Variants in ADORA1 observed in about 807,000 individuals in gnomAD.
ADORA1 encodes the protein adenosine receptor A1.
A neutral mutation model predicts 19.9 loss-of-function variants in ADORA1; 6 were observed. The observed-to-expected ratio is 0.30, with a 90% confidence interval of 0.17 to 0.59. The LOEUF (loss-of-function observed/expected upper bound fraction) is 0.59, where lower values mean the gene tolerates loss of function less well. Among genes scored for constraint, ADORA1 ranks in the 20% least tolerant of loss-of-function variants. ADORA1 has a pLI of 0.87. For missense variants in ADORA1, 302 were observed against 439.2 expected, an observed-to-expected ratio of 0.69 and a Z score of 2.79; for synonymous variants, 194 against 188.4, an observed-to-expected ratio of 1.03 and a Z score of -0.24.
At chr1:203,157,255 C>T (rs1247490302) in intron 3 of ADORA1, among the ~76,000 whole-genome samples, 5 of 152,204 alleles carry the variant, frequency 3.3e-5, no homozygotes, top group Admixed American at 3.3e-4. Flanking sequence ...TACATGCTTC[C>T]AAAATACAAT....
At chr1:203,135,857 A>G (rs1271301016) in intron 3 of ADORA1, among the ~76,000 whole-genome samples, 2 of 151,820 alleles carry the variant, frequency 1.3e-5, no homozygotes. Flanking sequence ...CTCCCTCCCC[A>G]ATTTTACCCA....
chr1:203,165,254 C>G lies in ADORA1; in HGVS notation c.342-7C>G, dbSNP rs542059266. 1 of 1,591,526 alleles carries G rather than the reference C, an allele frequency of 6.3e-7. No individual in the cohort carries two copies. The highest frequency in any genetic ancestry group is 2.2e-5 in the East Asian group (1 of 44,660). The stretch of plus-strand genomic sequence containing the variant: ...AGATCCTCACACTCTGCCCTCCTCT[C>G]CCCCAGGTACAAGATGGTGGTGACC... On this transcript the variant is annotated splice_polypyrimidine_tract_variant and splice_region_variant and intron_variant, in intron 3 of 3. Coordinates refer to ENST00000337894, the MANE Select transcript of ADORA1 (RefSeq NM_000674.3). The surrounding 1 kb of genome is among the most constrained non-coding windows in gnomAD (Gnocchi z 5.9).
At chr1:203,148,077 G>C (rs1471885745) in intron 3 of ADORA1, among the ~76,000 whole-genome samples, 2 of 152,166 alleles carry the variant, frequency 1.3e-5, no homozygotes, top group African/African-American at 4.8e-5. Flanking sequence ...AAATTAGCCA[G>C]GCGTGGTGGC....
At chr1:203,144,342 G>C (rs777172153) in intron 3 of ADORA1, among the ~76,000 whole-genome samples, 3 of 152,150 alleles carry the variant, frequency 2.0e-5, no homozygotes, top group South Asian at 4.1e-4. Flanking sequence ...AGTTTCTGCT[G>C]TTTCAGTGTT....
At chr1:203,138,557 G>A (rs1039366439) in intron 3 of ADORA1, among the ~76,000 whole-genome samples, 24 of 152,278 alleles carry the variant, frequency 1.6e-4, no homozygotes, top group African/African-American at 5.3e-4. Flanking sequence ...TACCAAGGAG[G>A]GTGGACAAAT....
chr1:203,145,469 T>G (rs1213224927), intron 3 of ADORA1, among the ~76,000 whole-genome samples: 1 of 152,234 alleles, frequency 6.6e-6, no homozygotes, highest in African/African-American at 2.4e-5. Context: ...TCCGGCCGCC[T>G]GTAAGGATCC....
At chr1:203,161,446 C>G (rs1190296773) in intron 3 of ADORA1, among the ~76,000 whole-genome samples, 2 of 152,092 alleles carry the variant, frequency 1.3e-5, no homozygotes, top group Non-Finnish European at 2.9e-5. Context: ...TCTCAATAAA[C>G]TAAATAAATA....
intron 3 of ADORA1, among the ~76,000 whole-genome samples, chr1:203,152,941 G>A (rs146157327): frequency 6.6e-6 from 1 of 152,160 alleles, no homozygotes; most frequent in South Asian, 2.1e-4. Flanking sequence ...TGGGAGAAAG[G>A]GATGAGGTTC....
chr1:203,155,925 C>G (rs1343240894), intron 3 of ADORA1, among the ~76,000 whole-genome samples: 1 of 152,252 alleles, frequency 6.6e-6, no homozygotes, highest in Non-Finnish European at 1.5e-5. Context: ...TCATGCCTTT[C>G]TAATCTGACT....
intron 3 of ADORA1, among the ~76,000 whole-genome samples, chr1:203,158,996 A>G (rs11809836): frequency 0.45 from 68,943 of 152,114 alleles, 16,355 homozygotes; most frequent in African/African-American, 0.6. Flanking sequence ...TTAAAGTCCC[A>G]CCTTTCAACA....
intron 3 of ADORA1, among the ~76,000 whole-genome samples, chr1:203,163,039 C>G (rs1304697311): frequency 6.6e-6 from 1 of 152,196 alleles, no homozygotes; most frequent in African/African-American, 2.4e-5. Context: ...TAGACTCATG[C>G]CCAGAACTTT....
intron 3 of ADORA1, among the ~76,000 whole-genome samples, chr1:203,155,994 C>T (rs1469470252): frequency 2.0e-5 from 3 of 152,230 alleles, no homozygotes; most frequent in South Asian, 2.1e-4. Flanking sequence ...GATGTACTCA[C>T]GTTGCAGGTC....
At chr1:203,146,182 A>C (rs1654853162) in intron 3 of ADORA1, among the ~76,000 whole-genome samples, 1 of 152,086 alleles carries the variant, frequency 6.6e-6, no homozygotes, top group African/African-American at 2.4e-5. Flanking sequence ...AGGGGCCTAC[A>C]TGTTGGGCAT....
In ADORA1 at chr1:203,129,023, T is replaced by A; in HGVS notation, c.182T>A (p.Leu61Gln). 6.2e-7 allele frequency: 1 copy of A among 1,614,172 alleles called. No homozygotes were observed. The highest frequency in any genetic ancestry group is 8.5e-7 in the Non-Finnish European group (1 of 1,180,030). ...GTGGCTGATGTGGCCGTGGGTGCCCTGGTCATCCCCCTCGCCATCCTCATC... is the reference window on the plus strand; with the variant it reads ...GTGGCTGATGTGGCCGTGGGTGCCCAGGTCATCCCCCTCGCCATCCTCATC... ...LAVADVAVGA[L>Q]VIPLAILINI... The change falls in exon 3 of 4, where the codon CTG (leucine) becomes CAG (glutamine). Residue 61 changes from leucine (L) to glutamine (Q), a missense_variant. Physicochemically the swap from Leu to Gln is moderately radical, Grantham distance 113. Coordinates refer to ENST00000337894, the MANE Select transcript of ADORA1 (RefSeq NM_000674.3).
At chr1:203,159,102 C>T (rs1655285738) in intron 3 of ADORA1, among the ~76,000 whole-genome samples, 1 of 152,168 alleles carries the variant, frequency 6.6e-6, no homozygotes, top group Non-Finnish European at 1.5e-5. Context: ...CCTTTTGGCC[C>T]TGTTCCTAAA....
At chr1:203,153,316 C>A (rs562734199) in intron 3 of ADORA1, among the ~76,000 whole-genome samples, 2 of 152,314 alleles carry the variant, frequency 1.3e-5, no homozygotes, top group South Asian at 2.1e-4. Context: ...ATTCTGCTCA[C>A]GTCCAGCGCT....
chr1:203,136,377 C>T (rs1654507584), intron 3 of ADORA1, among the ~76,000 whole-genome samples: 1 of 152,162 alleles, frequency 6.6e-6, no homozygotes, highest in Non-Finnish European at 1.5e-5. Context: ...GGTACCTTCT[C>T]CTGCCTTGCT....
At chr1:203,144,058 G>T (rs1654782856) in intron 3 of ADORA1, among the ~76,000 whole-genome samples, 1 of 142,772 alleles carries the variant, frequency 7.0e-6, no homozygotes, top group Admixed American at 7.3e-5. Flanking sequence ...AAAAGAAAGG[G>T]ATTTAACATC....
chr1:203,148,667 G>C (rs915279410), intron 3 of ADORA1, among the ~76,000 whole-genome samples: 6 of 152,190 alleles, frequency 3.9e-5, no homozygotes, highest in Admixed American at 2.0e-4. Flanking sequence ...GGCGTTTGTG[G>C]AATTGGAAGT....
Sources: allele counts gnomAD v4.1 joint callset (sites outside exome capture counted in the v4.1 genomes callset), GRCh38; gene constraint gnomAD v4.1.1; non-coding constraint Gnocchi (gnomAD v3.1); transcripts MANE v1.5; gene names NCBI Gene and HGNC (gene_info 2026-07-23, HGNC 2026-07-21).